IGFL2: variants seen among roughly 807,000 people sequenced by gnomAD.
IGFL2 encodes insulin growth factor-like family member 2.
Under a neutral mutation model 13.9 loss-of-function variants are expected in IGFL2, and 7 were observed. The observed-to-expected ratio is 0.51, with a 90% CI of 0.29 to 0.95. The LOEUF (loss-of-function observed/expected upper bound fraction) is 0.95. IGFL2 is among the 40% of genes least tolerant of loss of function. The probability of loss-of-function intolerance (pLI) is 0.08; values close to 1 mark genes in which losing one functional copy is unlikely to be tolerated. For missense variants in IGFL2, 138 were observed against 147.8 expected (o/e 0.93, Z 0.34); for synonymous variants, 55 against 55.8 (o/e 0.99, Z 0.07).
the IGFL2 span, among the ~76,000 whole-genome samples, chr19:46,184,369 A>G: frequency 2.0e-5 from 3 of 151,962 alleles, no homozygotes; most frequent in Admixed American, 6.6e-5. Context: ...TCCTGCACCC[A>G]TCAACCCGTC....
the IGFL2 span, among the ~76,000 whole-genome samples, chr19:46,194,853 T>TATATA: frequency 1.4e-4 from 2 of 14,116 alleles, no homozygotes; most frequent in Non-Finnish European, 3.3e-4. Context: ...TATATATATA[T>TATATA]TTTTTTTTTT....
the IGFL2 span, among the ~76,000 whole-genome samples, chr19:46,082,382 G>A: frequency 1.3e-5 from 2 of 152,188 alleles, no homozygotes; most frequent in South Asian, 2.1e-4. Flanking sequence ...TCTCTTTAGA[G>A]AGACTGTAAT....
At chr19:46,121,927 C>T in the IGFL2 span, among the ~76,000 whole-genome samples, 1 of 150,888 alleles carries the variant, frequency 6.6e-6, no homozygotes, top group Non-Finnish European at 1.5e-5. Context: ...TGAAATTTAA[C>T]TTGGCTTTTA....
chr19:46,213,643 C>T, the IGFL2 span, among the ~76,000 whole-genome samples: 65 of 152,264 alleles, frequency 4.3e-4, no homozygotes, highest in East Asian at 0.011. Context: ...CCATCCACAG[C>T]GCCCGGGTCA....
downstream of IGFL2, among the ~76,000 whole-genome samples, chr19:46,161,884 C>T (rs1276040520): frequency 6.6e-6 from 1 of 152,076 alleles, no homozygotes; most frequent in East Asian, 1.9e-4. Context: ...ATTATGTTGG[C>T]TTGTTTGTGT....
the IGFL2 span, chr19:46,120,409 A>G: frequency 1.0e-5 from 16 of 1,607,400 alleles, no homozygotes; most frequent in East Asian, 1.1e-4. Flanking sequence ...TTCTCAGGAA[A>G]AAATTATCCC....
chr19:46,146,604 A>G (rs539405975), upstream of IGFL2, among the ~76,000 whole-genome samples: 46 of 152,276 alleles, frequency 3.0e-4, no homozygotes, highest in African/African-American at 1.1e-3. Context: ...ACCACTCTGT[A>G]TTTAAGGTTT....
At position 46,148,302 on chromosome 19, in the gene IGFL2, G is replaced by T. The variant is rs1012961436; in HGVS notation, c.19+5G>T. On this transcript the variant is annotated splice_donor_5th_base_variant and intron_variant, in intron 1 of 3. Transcript: ENST00000377693. ...CCATGGTGCCCAGAATCTTCGGTAA[G>T]GTAACCCTTGCCCCAGGTTGAGCTA... 6.4e-7 allele frequency: 1 copy of T among 1,551,324 alleles called. No individual in the cohort carries two copies. The highest frequency in any genetic ancestry group is 1.2e-5 in the South Asian group (1 of 84,048).
the IGFL2 span, among the ~76,000 whole-genome samples, chr19:46,128,380 GT>G: frequency 6.6e-6 from 1 of 152,092 alleles, no homozygotes; most frequent in Admixed American, 6.6e-5. Context: ...CCTATACTAT[GT>G]TGAATAGGAG....
At chr19:46,116,640 T>C in the IGFL2 span, among the ~76,000 whole-genome samples, 2 of 152,138 alleles carry the variant, frequency 1.3e-5, no homozygotes, top group African/African-American at 4.8e-5. Context: ...GCCTCCTGGG[T>C]TGTGGGGATT....
upstream of IGFL2, among the ~76,000 whole-genome samples, chr19:46,144,053 A>G (rs189149687): frequency 3.7e-4 from 56 of 152,336 alleles, 2 homozygotes; most frequent in East Asian, 9.1e-3. Flanking sequence ...ACCTTCACTT[A>G]GCATTGTTTA....
the IGFL2 span, among the ~76,000 whole-genome samples, chr19:46,078,732 G>A: frequency 6.6e-6 from 1 of 152,276 alleles, no homozygotes; most frequent in Non-Finnish European, 1.5e-5. Context: ...TATTTGAGCC[G>A]ATATCCCAGT....
At chr19:46,148,332 C>A in intron 1 of IGFL2, 35 bp downstream of exon 1, 1 of 1,529,898 alleles carries the variant, frequency 6.5e-7, no homozygotes, top group Non-Finnish European at 8.9e-7. Context: ...GAGCTAATGC[C>A]TACTGTTATC....
chr19:46,120,414 T>C, the IGFL2 span: 5 of 1,606,134 alleles, frequency 3.1e-6, no homozygotes, highest in Non-Finnish European at 3.4e-6. Flanking sequence ...AGGAAAAAAT[T>C]ATCCCCTACA....
the IGFL2 span, among the ~76,000 whole-genome samples, chr19:46,205,657 C>G: frequency 6.6e-6 from 1 of 152,144 alleles, no homozygotes; most frequent in Non-Finnish European, 1.5e-5. Flanking sequence ...TATTAAACCC[C>G]TGCTCCTAAA....
chr19:46,135,558 GT>G, the IGFL2 span, among the ~76,000 whole-genome samples: 1 of 152,238 alleles, frequency 6.6e-6, no homozygotes, highest in Non-Finnish European at 1.5e-5. Flanking sequence ...TAGGACACAA[GT>G]TCGTGAGACC....
the IGFL2 span, among the ~76,000 whole-genome samples, chr19:46,170,374 C>A: frequency 6.6e-6 from 1 of 152,216 alleles, no homozygotes; most frequent in Non-Finnish European, 1.5e-5. Flanking sequence ...TATCTTTAAT[C>A]TCTTAATCCC....
the IGFL2 span, among the ~76,000 whole-genome samples, chr19:46,082,566 G>A: frequency 6.6e-6 from 1 of 152,028 alleles, no homozygotes; most frequent in Non-Finnish European, 1.5e-5. Context: ...GGATCAAGCC[G>A]CCCTGTAAGA....
At chr19:46,178,074 C>A in the IGFL2 span, among the ~76,000 whole-genome samples, 1 of 151,932 alleles carries the variant, frequency 6.6e-6, no homozygotes, top group Admixed American at 6.6e-5. Flanking sequence ...GTCAGGAGTT[C>A]GAGACCAGCC....
Sources: allele counts gnomAD v4.1 joint callset (sites outside exome capture counted in the v4.1 genomes callset), GRCh38; gene constraint gnomAD v4.1.1; transcripts MANE v1.5; gene names NCBI Gene and HGNC (gene_info 2026-07-23, HGNC 2026-07-21).